TNFRSF18: variants seen among roughly 807,000 people sequenced by gnomAD.
TNFRSF18 encodes TNF receptor superfamily member 18, also known as tumor necrosis factor receptor superfamily member 18.
In TNFRSF18, 36 loss-of-function variants were observed where a neutral mutation model predicts 30.2. The observed-to-expected ratio is 1.19, with a 90% CI of 0.91 to 1.58. The LOEUF is 1.58. Ranked by LOEUF, TNFRSF18 falls within the 40% of genes most tolerant of loss-of-function variation. TNFRSF18 has a pLI of 0.00. For missense variants in TNFRSF18, 369 were observed against 345.4 expected, an observed-to-expected ratio of 1.07 and a Z score of -0.54; for synonymous variants, 173 against 158.3, an observed-to-expected ratio of 1.09 and a Z score of -0.70.
intron 1 of TNFRSF18, among the ~76,000 whole-genome samples, chr1:1,206,013 G>A (rs1380866429): frequency 6.6e-6 from 1 of 152,242 alleles, no homozygotes; most frequent in Non-Finnish European, 1.5e-5. Context: ...GAGGCAGGCA[G>A]CAGGCCAGAC....
rs202060017 is a variant in TNFRSF18, at chr1:1,203,551, C to T, written c.*293G>A. ...TTGAAGGTCCCCTGCAGCCGGGTCC[C>T]GTGCTGGGCACTGCACACCCACGGA... is the stretch of plus-strand genomic sequence containing the variant. On this transcript the variant is annotated 3_prime_UTR_variant, in exon 5 of 5. Transcript: ENST00000379268. 1.2e-5 allele frequency: 17 copies of T among 1,463,530 alleles called. No individual in the cohort carries two copies. Among genetic ancestry groups the T allele is most frequent in the African/African-American group, 5.7e-5 (4 of 70,140 alleles). 90.7% of individuals were successfully genotyped at this position (1,463,530 alleles called of 1,614,324 possible).
chr1:1,205,471 C>T lies in TNFRSF18; in HGVS notation c.209G>A (p.Trp70Ter), dbSNP rs201786281. Reference protein sequence around the residue: ...DYPGEECCSEWDCMCVQPEFH... With the variant: ...DYPGEECCSE ...TTCAGGCTGGACACACATGCAGTCC[C>T]ACTCGGAACAGCACTCCTCGCCTGG... Residue 70 changes from tryptophan to a stop codon, truncating the protein, a stop_gained, in exon 2 of 5, where the codon TGG becomes TAG. Coordinates refer to ENST00000379268, the MANE Select transcript of TNFRSF18 (RefSeq NM_004195.3). LOFTEE classifies it high-confidence loss of function. The T allele has an allele frequency of 8.8e-5, 142 of 1,612,290 alleles. No homozygotes were observed. The highest frequency in any genetic ancestry group is 4.9e-4 in the Middle Eastern group (3 of 6,082).
chr1:1,205,257 C>T (rs964277326), intron 2 of TNFRSF18, 113 bp downstream of exon 2: 11 of 1,499,666 alleles, frequency 7.3e-6, no homozygotes, highest in African/African-American at 2.8e-5. Context: ...CACAGGACTC[C>T]GGACCCCACA....
rs201908290 is a variant in TNFRSF18, at chr1:1,205,510, C to T, written c.188-18G>A. On this transcript the variant is annotated intron_variant, in intron 1 of 4. Coordinates refer to ENST00000379268, the MANE Select transcript of TNFRSF18 (RefSeq NM_004195.3). Reference sequence around the variant, plus strand: ...CTCCTCGCCTGGGCAGGAGACAGGCCAGCCCCCCAGCAGCTGGGCTGAGGC... The same window carrying T: ...CTCCTCGCCTGGGCAGGAGACAGGCTAGCCCCCCAGCAGCTGGGCTGAGGC... 100 of 1,606,774 alleles carry T rather than the reference C, an allele frequency of 6.2e-5. No individual in the cohort carries two copies. The East Asian group carries it at 2.1e-3, about 33-fold the overall frequency.
rs756778446 is a variant in TNFRSF18, at chr1:1,205,476, G to A, written c.204C>T (p.Ser68=). Residue 68 remains serine, a synonymous_variant, in exon 2 of 5, where the codon TCC becomes TCT. Transcript: ENST00000379268. Reference sequence around the variant, plus strand: ...GCTGGACACACATGCAGTCCCACTCGGAACAGCACTCCTCGCCTGGGCAGG... The same window carrying A: ...GCTGGACACACATGCAGTCCCACTCAGAACAGCACTCCTCGCCTGGGCAGG... ...CRDYPGEECC[S]EWDCMCVQPE... The A allele has an allele frequency of 6.3e-5, 101 of 1,612,146 alleles. No individual in the cohort carries two copies. The highest frequency in any genetic ancestry group is 4.6e-4 in the South Asian group (42 of 91,068).
chr1:1,206,582 C>A lies in TNFRSF18; in HGVS notation c.-11G>T, dbSNP rs939672254. 5.4e-6 allele frequency: 8 copies of A among 1,480,012 alleles called. No homozygotes were observed. The South Asian group carries it at 9.6e-5, about 18-fold the overall frequency. 91.7% of individuals were successfully genotyped at this position (1,480,012 alleles called of 1,614,324 possible). A position where few individuals can be genotyped will look rare whatever the true frequency, so the allele number is the denominator to read the frequency against. Reference sequence around the variant, plus strand: ...CCCGTGCTGTGCCATGCTCGGGTTTCAAGAGCCCACAGCCAGTTGGACACG... The same window carrying A: ...CCCGTGCTGTGCCATGCTCGGGTTTAAAGAGCCCACAGCCAGTTGGACACG... On this transcript the variant is annotated 5_prime_UTR_variant, in exon 1 of 5. Coordinates refer to ENST00000379268, the MANE Select transcript of TNFRSF18 (RefSeq NM_004195.3).
At position 1,204,057 on chromosome 1, in the gene TNFRSF18, C is replaced by T. The variant is rs1463298927; in HGVS notation, c.578G>A (p.Arg193Lys). The change falls in exon 4 of 5, where the codon AGG (arginine) becomes AAG (lysine). Residue 193 changes from arginine (R) to lysine (K), a missense_variant. Transcript: ENST00000379268. ...AQLGLHIWQL[R>K]SQCMWPRETQ... is the part of the protein sequence containing the mutation. Reference sequence around the variant, plus strand: ...ACCTCGGGGCCACATGCACTGACTCCTCAGCTGCCAGATGTGCAGTCCAAG... The same window carrying T: ...ACCTCGGGGCCACATGCACTGACTCTTCAGCTGCCAGATGTGCAGTCCAAG... The T allele has an allele frequency of 4.4e-6, 7 of 1,605,704 alleles. No homozygotes were observed. Among genetic ancestry groups the T allele is most frequent in the South Asian group, 1.1e-5 (1 of 89,936 alleles).
At chr1:1,206,357 C>T (rs1648827969) in intron 1 of TNFRSF18, 28 bp downstream of exon 1, 1 of 1,542,964 alleles carries the variant, frequency 6.5e-7, no homozygotes, top group South Asian at 1.2e-5. Flanking sequence ...CTTGGCCGGT[C>T]CGCGTTAAGT....
Position 1,206,137 on chromosome 1 carries a change from C to A in TNFRSF18, c.187+248G>T, listed in dbSNP as rs11466680. ...GTCCTCCACCTCCAGACCCCAGACC[C>A]CTCTTGAGGGCGCTCCCACCTGGCT... On this transcript the variant is annotated intron_variant, in intron 1 of 4. Transcript: ENST00000379268. Among the ~76,000 whole-genome samples, 106 of 152,318 alleles carry A rather than the reference C, an allele frequency of 7.0e-4. 1 individual carries two copies. The highest frequency in any genetic ancestry group is 2.2e-3 in the African/African-American group (92 of 41,574).
At chr1:1,206,241 A>C (rs981917503) in intron 1 of TNFRSF18, 144 bp downstream of exon 1, 16 of 952,756 alleles carry the variant, frequency 1.7e-5, no homozygotes, top group Non-Finnish European at 2.1e-5. Flanking sequence ...TCCCTCCGGA[A>C]GGCTCCCGCT....
intron 1 of TNFRSF18, among the ~76,000 whole-genome samples, chr1:1,206,066 C>T (rs1237016852): frequency 2.0e-5 from 3 of 152,116 alleles, no homozygotes; most frequent in Non-Finnish European, 2.9e-5. Flanking sequence ...GGGGGCTGGG[C>T]GATGGCCAAG....
Position 1,203,952 on chromosome 1 carries a change from C to CAGCA in TNFRSF18, c.614_617dup (p.Glu207AlafsTer?). 6.2e-7 allele frequency: 1 copy of CAGCA among 1,607,210 alleles called. No homozygotes were observed. Among genetic ancestry groups the CAGCA allele is most frequent in the East Asian group, 2.2e-5 (1 of 44,842 alleles). ...CGTCTTCGGTCGACGGCGGCACCTC[C>CAGCA]AGCAGCAGCTGGGTCTCTGCAGGGG... On this transcript the variant is annotated frameshift_variant, in exon 5 of 5. Coordinates refer to ENST00000379268, the MANE Select transcript of TNFRSF18 (RefSeq NM_004195.3). LOFTEE classifies it high-confidence loss of function.
intron 2 of TNFRSF18, 98 bp downstream of exon 2, chr1:1,205,272 A>G (rs1648757750): frequency 2.6e-6 from 4 of 1,532,772 alleles, no homozygotes; most frequent in Non-Finnish European, 3.5e-6. Context: ...CCCACACACC[A>G]CATGTCCTCG....
intron 2 of TNFRSF18, 136 bp downstream of exon 2, chr1:1,205,234 G>T: frequency 1.5e-6 from 2 of 1,341,136 alleles, no homozygotes; most frequent in Non-Finnish European, 2.1e-6. Context: ...GCATGGCCTG[G>T]CCTGCCCGGC....
chr1:1,206,353 C>T lies in TNFRSF18; in HGVS notation c.187+32G>A, dbSNP rs779192150. ...CCCGGCTTCCGCGGGACGCCTTGGCCGGTCCGCGTTAAGTAAACGCGGTTT... is the reference window on the plus strand; with the variant it reads ...CCCGGCTTCCGCGGGACGCCTTGGCTGGTCCGCGTTAAGTAAACGCGGTTT... On this transcript the variant is annotated intron_variant, in intron 1 of 4. Coordinates refer to ENST00000379268, the MANE Select transcript of TNFRSF18 (RefSeq NM_004195.3). The T allele has an allele frequency of 1.9e-4, 296 of 1,541,304 alleles. No homozygotes were observed. The Middle Eastern group carries it at 3.0e-3, about 15-fold the overall frequency.
chr1:1,206,397 G>A lies in TNFRSF18; in HGVS notation c.175C>T (p.Arg59Cys), dbSNP rs1170803424. 17 of 1,547,072 alleles carry A rather than the reference G, an allele frequency of 1.1e-5. 1 individual carries two copies. The highest frequency in any genetic ancestry group is 8.3e-5 in the South Asian group (7 of 83,954). ...CCRVHTTRCC[R>C]DYPGEECCSE... is the part of the protein sequence containing the mutation. ...GCGGTTTACTTACCCGGGTAATCGC[G>A]GCAGCAGCGCGTCGTGTGAACCCGG... is the stretch of plus-strand genomic sequence containing the variant. Residue 59 changes from arginine (R) to cysteine (C), a missense_variant, in exon 1 of 5, where the codon CGC (arginine) becomes TGC (cysteine). By Grantham distance (180) the Arg-to-Cys change is radical. Coordinates refer to ENST00000379268, the MANE Select transcript of TNFRSF18 (RefSeq NM_004195.3).
intron 1 of TNFRSF18, chr1:1,205,738 C>T (rs1176054833): frequency 1.9e-6 from 1 of 522,372 alleles, no homozygotes; most frequent in East Asian, 3.4e-5. Context: ...GTGCTAACTC[C>T]ATATGCAACC....
Position 1,204,482 on chromosome 1 carries a change from T to C in TNFRSF18, c.315A>G (p.Lys105=), listed in dbSNP as rs11466691. 32,977 of 1,607,084 alleles carry C rather than the reference T, an allele frequency of 0.021. 454 individuals carry two copies. Among genetic ancestry groups the C allele is most frequent in the South Asian group, 0.037 (3,375 of 90,976 alleles). Reference sequence around the variant, plus strand: ...CGATACACTGGAAGCCAAAACTGAATTTCCCTGGTGTGGGGTGTGGGGGGA... The same window carrying C: ...CGATACACTGGAAGCCAAAACTGAACTTCCCTGGTGTGGGGTGTGGGGGGA... ...PPGQGVQSQG[K]FSFGFQCIDC... The change falls in exon 3 of 5, where the codon AAA becomes AAG. Residue 105 remains lysine (K), a synonymous_variant. Transcript: ENST00000379268.
At chr1:1,204,538 G>A in intron 2 of TNFRSF18, 52 bp from the exon 3 acceptor site, 2 of 1,443,560 alleles carry the variant, frequency 1.4e-6, no homozygotes, top group Non-Finnish European at 1.9e-6. Flanking sequence ...GAGTTGCTGG[G>A]ATGGATGAGG....
Sources: gnomAD v4.1 joint callset for allele counts (sites outside exome capture counted in the v4.1 genomes callset) on GRCh38, gnomAD v4.1.1 for gene constraint, MANE v1.5 for transcripts, NCBI Gene and HGNC (gene_info 2026-07-23, HGNC 2026-07-21) for gene names.